The following CAST variants were observed in gnomAD, a reference collection of about 807,000 sequenced individuals.
CAST encodes MIR583 host.
Under a neutral mutation model 119.6 loss-of-function variants are expected in CAST, and 76 were observed. That is an observed-to-expected ratio of 0.64 (90% CI 0.53 to 0.77). The LOEUF is 0.77. Ranked by LOEUF, CAST falls within the 30% of genes least tolerant of loss-of-function variation. The pLI, the probability that CAST is intolerant of heterozygous loss-of-function variation, is 0.00. For synonymous variants in CAST, 319 were observed against 331.6 expected (o/e 0.96, Z 0.41); for missense variants, 953 against 946.5 (o/e 1.01, Z -0.09).
At chr5:96,735,765 GGGATATGGAAGTCTT>G (rs1761506893) in intron 9 of CAST, among the ~76,000 whole-genome samples, 1 of 152,250 alleles carries the variant, frequency 6.6e-6, no homozygotes, top group Non-Finnish European at 1.5e-5. Flanking sequence ...GCCGAAGTGA[GGGATATGGAAGTCTT>G]GATGTGTGGG....
the CAST span, among the ~76,000 whole-genome samples, chr5:96,453,448 A>G: frequency 3.9e-5 from 6 of 152,256 alleles, no homozygotes; most frequent in Non-Finnish European, 7.3e-5. Flanking sequence ...ACTGAATCTT[A>G]AGGCAATAAA....
chr5:96,554,804 G>A (rs561014918), intron 1 of CAST, among the ~76,000 whole-genome samples: 2 of 152,284 alleles, frequency 1.3e-5, no homozygotes, highest in African/African-American at 4.8e-5. Context: ...AAGAAACAAT[G>A]CTCATCATCA....
intron 1 of CAST, among the ~76,000 whole-genome samples, chr5:96,636,224 C>T (rs1003734926): frequency 2.6e-5 from 4 of 152,144 alleles, no homozygotes; most frequent in Non-Finnish European, 5.9e-5. Flanking sequence ...TGTGGCTTGA[C>T]CTTTTAGCCT....
upstream of CAST, among the ~76,000 whole-genome samples, chr5:96,529,323 CAT>C (rs1745649064): frequency 6.7e-6 from 1 of 150,354 alleles, no homozygotes; most frequent in African/African-American, 2.4e-5. Flanking sequence ...AAAAGGTACT[CAT>C]ATTGTTTTCT....
chr5:96,183,126 A>G, the CAST span, among the ~76,000 whole-genome samples: 2 of 150,664 alleles, frequency 1.3e-5, no homozygotes, highest in East Asian at 1.9e-4. Flanking sequence ...GGGTGACAGA[A>G]CAAGACTCTG....
At chr5:96,339,937 C>G in the CAST span, among the ~76,000 whole-genome samples, 1 of 152,128 alleles carries the variant, frequency 6.6e-6, no homozygotes, top group African/African-American at 2.4e-5. Flanking sequence ...TGGAAAGAGA[C>G]AAAGTGCCTT....
intron 9 of CAST, among the ~76,000 whole-genome samples, chr5:96,731,666 C>G (rs1197347470): frequency 1.3e-5 from 2 of 148,762 alleles, no homozygotes; most frequent in East Asian, 4.0e-4. Context: ...CCCCACCCCT[C>G]CACAGTCCCC....
At chr5:96,307,944 C>T in the CAST span, among the ~76,000 whole-genome samples, 4 of 152,154 alleles carry the variant, frequency 2.6e-5, no homozygotes, top group Non-Finnish European at 5.9e-5. Context: ...GATTGCTCTT[C>T]TTGAAGAGTA....
intron 1 of CAST, among the ~76,000 whole-genome samples, chr5:96,603,797 C>T (rs954772699): frequency 1.7e-5 from 2 of 116,046 alleles, no homozygotes; most frequent in Non-Finnish European, 1.6e-5. Context: ...ATGGGGATTG[C>T]TCTGTCGCCC....
chr5:96,382,874 A>G, the CAST span, among the ~76,000 whole-genome samples: 3 of 152,178 alleles, frequency 2.0e-5, no homozygotes, highest in Non-Finnish European at 4.4e-5. Context: ...CTGCCAATTC[A>G]TGCTGCTTGA....
At chr5:96,733,188 C>G (rs1040236411) in intron 9 of CAST, among the ~76,000 whole-genome samples, 2 of 152,074 alleles carry the variant, frequency 1.3e-5, no homozygotes, top group African/African-American at 2.4e-5. Flanking sequence ...TTTTTTCTTG[C>G]AATAGATCAC....
At chr5:96,540,342 C>T (rs1012137198) in intron 1 of CAST, among the ~76,000 whole-genome samples, 4 of 151,932 alleles carry the variant, frequency 2.6e-5, no homozygotes, top group East Asian at 1.9e-4. Flanking sequence ...TTTTCCTTAT[C>T]GCACATTTCT....
rs770422866 is a variant in CAST, at chr5:96,726,831, T to G, written c.308T>G (p.Leu103Arg). ...PVSQQMEGPH[L>R]PNKKKHKKQA... ...AGCCAACAGATGGAAGGACCACATC[T>G]TCCTAACAAGAAAAAACACAAAAAA... The change falls in exon 5 of 32, where the codon CTT becomes CGT. Residue 103 changes from leucine to arginine, a missense_variant. Physicochemically the swap from Leu to Arg is moderately radical, Grantham distance 102. Coordinates refer to ENST00000675179, the MANE Select transcript of CAST (RefSeq NM_001750.7). The G allele has an allele frequency of 3.6e-5, 58 of 1,613,526 alleles. No homozygotes were observed. The highest frequency in any genetic ancestry group is 4.7e-5 in the Non-Finnish European group (56 of 1,179,678).
At chr5:96,597,543 A>G (rs1181669569) in intron 1 of CAST, among the ~76,000 whole-genome samples, 2 of 152,166 alleles carry the variant, frequency 1.3e-5, no homozygotes, top group African/African-American at 4.8e-5. Context: ...TATCTCTTTC[A>G]AATAACGTCA....
At chr5:96,418,868 G>C in the CAST span, among the ~76,000 whole-genome samples, 1 of 152,064 alleles carries the variant, frequency 6.6e-6, no homozygotes, top group Non-Finnish European at 1.5e-5. Flanking sequence ...TCAGAAAATT[G>C]ACTTGTCTCT....
the CAST span, among the ~76,000 whole-genome samples, chr5:96,324,213 C>T: frequency 6.6e-6 from 1 of 152,166 alleles, no homozygotes. Flanking sequence ...AGGCAATATC[C>T]TCTTGAGCTG....
chr5:96,046,161 T>A, the CAST span, among the ~76,000 whole-genome samples: 26 of 151,772 alleles, frequency 1.7e-4, no homozygotes, highest in Non-Finnish European at 3.2e-4. Context: ...GGGGAGGAGA[T>A]GAAGTAAGAG....
chr5:96,479,301 C>T, the CAST span, among the ~76,000 whole-genome samples: 1 of 152,152 alleles, frequency 6.6e-6, no homozygotes, highest in Non-Finnish European at 1.5e-5. Context: ...GGACAATCAA[C>T]TTTTTGACAC....
chr5:96,284,519 C>T, the CAST span, among the ~76,000 whole-genome samples: 2 of 152,204 alleles, frequency 1.3e-5, no homozygotes, highest in Non-Finnish European at 2.9e-5. Flanking sequence ...CTCTAAGTCT[C>T]TCTAGCCAGG....
Sources: gnomAD v4.1 joint callset for allele counts (sites outside exome capture counted in the v4.1 genomes callset) on GRCh38, gnomAD v4.1.1 for gene constraint, MANE v1.5 for transcripts, NCBI Gene and HGNC (gene_info 2026-07-23, HGNC 2026-07-21) for gene names.